Variants in EP300 observed in about 807,000 individuals in gnomAD.
EP300 encodes histone acetyltransferase p300.
Under a neutral mutation model 264.0 loss-of-function variants are expected in EP300, and 31 were observed. The ratio of observed to expected loss-of-function variants is 0.12; its 90% CI spans 0.09 to 0.16. EP300 has a LOEUF of 0.16. Among genes scored for constraint, EP300 ranks in the 10% least tolerant of loss-of-function variants. EP300 has a pLI of 1.00. For missense variants in EP300, 2,766 were observed against 3,052.9 expected (o/e 0.91, Z 2.21); for synonymous variants, 1,340 against 1,045.4 (o/e 1.28, Z -5.44).
chr22:41,178,861 A>G lies in EP300; in HGVS notation c.7150A>G (p.Asn2384Asp), dbSNP rs766974481. 1 of 1,614,142 alleles carries G rather than the reference A, an allele frequency of 6.2e-7. No individual in the cohort carries two copies. ...GCTTGCTAGCAATCCAGGCATGGCA[A>G]ACCTCCATGGTGCAAGCGCCACGGA... ...SQLASNPGMA[N>D]LHGASATDLG... The change falls in exon 31 of 31, where the codon AAC (asparagine) becomes GAC (aspartate). Residue 2384 changes from asparagine to aspartate, a missense_variant. Transcript: ENST00000263253.
chr22:41,179,182 C>T lies in EP300; in HGVS notation c.*226C>T. 1.7e-6 allele frequency: 1 copy of T among 574,254 alleles called. No homozygotes were observed. Among genetic ancestry groups the T allele is most frequent in the Non-Finnish European group, 3.1e-6 (1 of 327,406 alleles). The allele number at this position is 574,254 out of a possible 1,614,324, so 35.6% of individuals were successfully genotyped here. A position where few individuals can be genotyped will look rare whatever the true frequency, so the allele number is the denominator to read the frequency against. On this transcript the variant is annotated 3_prime_UTR_variant, in exon 31 of 31. Coordinates refer to ENST00000263253, the MANE Select transcript of EP300 (RefSeq NM_001429.4). ...TTTTGTTATGGCTGGTTACCACCAGCCTTTCTTCCCCTTTGTGTGTGTGGT... is the reference window on the plus strand; with the variant it reads ...TTTTGTTATGGCTGGTTACCACCAGTCTTTCTTCCCCTTTGTGTGTGTGGT...
rs564448252 is a variant in EP300 at position 41,164,445 on chromosome 22, C to T, written c.3806+315C>T. Among the ~76,000 whole-genome samples the T allele has an allele frequency of 2.1e-4, 32 of 152,282 alleles. No individual in the cohort carries two copies. In the South Asian group the frequency reaches 6.4e-3, roughly 31 times the overall value. ...AAATATTTATGGCCAGGCGAGGTGG[C>T]TCACGCCTGTAATCCCAGCACTTTG... On this transcript the variant is annotated intron_variant, in intron 22 of 30. Transcript: ENST00000263253.
chr22:41,176,300 C>T lies in EP300; in HGVS notation c.4833C>T (p.Pro1611=), dbSNP rs2145512412. 1 of 1,614,204 alleles carries T rather than the reference C, an allele frequency of 6.2e-7. No individual in the cohort carries two copies. Among genetic ancestry groups the T allele is most frequent in the East Asian group, 2.2e-5 (1 of 44,890 alleles). ...IAGPAANSLP[P]IVDPDPLIPC... Reference sequence around the variant, plus strand: ...GCCCTGCTGCCAACTCCCTGCCTCCCATTGTTGATCCTGATCCTCTCATCC... The same window carrying T: ...GCCCTGCTGCCAACTCCCTGCCTCCTATTGTTGATCCTGATCCTCTCATCC... Residue 1611 remains proline, a synonymous_variant, in exon 30 of 31, where the codon CCC becomes CCT. Coordinates refer to ENST00000263253, the MANE Select transcript of EP300 (RefSeq NM_001429.4).
chr22:41,132,582 C>T (rs1486121991), intron 6 of EP300, among the ~76,000 whole-genome samples: 4 of 152,054 alleles, frequency 2.6e-5, no homozygotes, highest in South Asian at 2.1e-4. Flanking sequence ...CTACTGCACC[C>T]GGCCCAACAA....
intron 1 of EP300, among the ~76,000 whole-genome samples, chr22:41,111,135 T>A (rs562027545): frequency 1.5e-3 from 224 of 152,136 alleles, no homozygotes; most frequent in African/African-American, 5.3e-3. Flanking sequence ...GCAGCTAATT[T>A]TGGTATTTTT....
rs771469134 is a variant in EP300 at position 41,149,890 on chromosome 22, A to G, written c.2509A>G (p.Ser837Gly). Residue 837 changes from serine (S) to glycine (G), a missense_variant, in exon 14 of 31, where the codon AGT becomes GGT. Transcript: ENST00000263253. ...LHQNSPSPVP[S>G]RTPTPHHTPP... ...TCAGAATTCACCCTCGCCTGTACCT[A>G]GTCGTACCCCCACCCCTCACCATAC... The G allele has an allele frequency of 6.2e-7, 1 of 1,613,770 alleles. No homozygotes were observed. Among genetic ancestry groups the G allele is most frequent in the Non-Finnish European group, 8.5e-7 (1 of 1,179,982 alleles).
chr22:41,116,776 T>C (rs2058823850), intron 1 of EP300, among the ~76,000 whole-genome samples: 1 of 152,150 alleles, frequency 6.6e-6, no homozygotes, highest in African/African-American at 2.4e-5. Context: ...AGTATATATA[T>C]AGGGCTGTGT....
In EP300 at chr22:41,146,906, A is replaced by G. The variant is rs376990942; in HGVS notation, c.2131+90A>G. The G allele has an allele frequency of 4.5e-5, 51 of 1,137,948 alleles. No homozygotes were observed. The East Asian group carries it at 9.2e-4, about 21-fold the overall frequency. The allele number at this position is 1,137,948 out of a possible 1,614,324, so 70.5% of individuals were successfully genotyped here. A position where few individuals can be genotyped will look rare whatever the true frequency, so the allele number is the denominator to read the frequency against. ...CTACCTGAACACCCGCTTTATGCCAACAGCAAGTGTCATGATTACCTGCCC... is the reference window on the plus strand; with the variant it reads ...CTACCTGAACACCCGCTTTATGCCAGCAGCAAGTGTCATGATTACCTGCCC... On this transcript the variant is annotated intron_variant, in intron 11 of 30. Coordinates refer to ENST00000263253, the MANE Select transcript of EP300 (RefSeq NM_001429.4).
In EP300 at chr22:41,148,020, T is replaced by G. The variant is rs185706223; in HGVS notation, c.2241+74T>G. 31 of 1,035,334 alleles carry G rather than the reference T, an allele frequency of 3.0e-5. No homozygotes were observed. The East Asian group carries it at 7.6e-4, about 25-fold the overall frequency. The allele number at this position is 1,035,334 out of a possible 1,614,324, so 64.1% of individuals were successfully genotyped here. ...GAAAATCCTGTTTGTTCCTACTTTATAAATTCTCACAGTCATTTAAACAGA... is the reference window on the plus strand; with the variant it reads ...GAAAATCCTGTTTGTTCCTACTTTAGAAATTCTCACAGTCATTTAAACAGA... On this transcript the variant is annotated intron_variant, in intron 12 of 30. Transcript: ENST00000263253.
chr22:41,169,440 G>A, intron 25 of EP300, 63 bp from the exon 26 acceptor site: 1 of 993,456 alleles, frequency 1.0e-6, no homozygotes, highest in South Asian at 1.3e-5. Context: ...GGCACATGGA[G>A]TAAAGAACTC....
At chr22:41,167,929 C>T (rs1386966524) in intron 23 of EP300, among the ~76,000 whole-genome samples, 1 of 135,614 alleles carries the variant, frequency 7.4e-6, no homozygotes, top group Non-Finnish European at 1.5e-5. Context: ...TCAAGCGATT[C>T]TCGTGCCTCA....
intron 23 of EP300, among the ~76,000 whole-genome samples, chr22:41,167,808 GTTTTTGTTTTTTTTTTTGTTTTTTTT>G (rs2059147208): frequency 2.8e-4 from 7 of 24,758 alleles, no homozygotes; most frequent in African/African-American, 9.9e-4. Flanking sequence ...ATTTCTGTTT[GTTTTTGTTTTTTTTTTTGTTTTTTTT>G]TTTTTTTTTT....
At chr22:41,111,478 A>T (rs1039809843) in intron 1 of EP300, among the ~76,000 whole-genome samples, 1 of 152,162 alleles carries the variant, frequency 6.6e-6, no homozygotes, top group Non-Finnish European at 1.5e-5. Flanking sequence ...TGAACTTTCT[A>T]TGTCAACAGT....
rs59721178 is a variant in EP300, at chr22:41,179,880, TCACACACACACACACACACACA to T, written c.*946_*967del. 128 of 167,218 alleles carry T rather than the reference TCACACACACACACACACACACA, an allele frequency of 7.7e-4. 2 individuals carry two copies. Among genetic ancestry groups the T allele is most frequent in the Admixed American group, 3.8e-3 (51 of 13,526 alleles). The allele number at this position is 167,218 out of a possible 1,614,324, so 10.4% of individuals were successfully genotyped here. ...TCTTCCTCCTTACCCTACCCCCCAC[TCACACACACACACACACACACA>T]CACACACACACACACACACACTTTC... On this transcript the variant is annotated 3_prime_UTR_variant, in exon 31 of 31. Coordinates refer to ENST00000263253, the MANE Select transcript of EP300 (RefSeq NM_001429.4).
At chr22:41,120,830 T>C (rs2058848245) in intron 2 of EP300, among the ~76,000 whole-genome samples, 1 of 152,190 alleles carries the variant, frequency 6.6e-6, no homozygotes, top group Non-Finnish European at 1.5e-5. Flanking sequence ...GCGATCCTCC[T>C]ACCTCAGACT....
At chr22:41,147,298 C>T (rs945678099) in intron 11 of EP300, among the ~76,000 whole-genome samples, 26 of 112,910 alleles carry the variant, frequency 2.3e-4, no homozygotes, top group Non-Finnish European at 3.5e-4. Flanking sequence ...AGCAAGACTT[C>T]GTCTCAAAAA....
intron 1 of EP300, among the ~76,000 whole-genome samples, chr22:41,111,748 C>T (rs1467833123): frequency 6.6e-6 from 1 of 151,800 alleles, no homozygotes; most frequent in Non-Finnish European, 1.5e-5. Context: ...CCATGTTGCT[C>T]AGGCTGGTCT....
chr22:41,167,578 G>GTATATA (rs2059142725), intron 23 of EP300, among the ~76,000 whole-genome samples: 2 of 27,682 alleles, frequency 7.2e-5, no homozygotes, highest in African/African-American at 3.0e-4. Context: ...GTGTGTGTGT[G>GTATATA]TGTGTGTATA....
In EP300 at chr22:41,178,968, AGTAT is replaced by A; in HGVS notation, c.*13_*16del. ...TAGACATACACTAGAGACACCTTGT[AGTAT>A]TTTGGGAGCAAAAAAATTATTTTCT... On this transcript the variant is annotated 3_prime_UTR_variant, in exon 31 of 31. Transcript: ENST00000263253. The A allele has an allele frequency of 4.7e-6, 4 of 851,142 alleles. No homozygotes were observed. 52.7% of individuals were successfully genotyped at this position (851,142 alleles called of 1,614,324 possible).
Sources: allele counts gnomAD v4.1 joint callset (sites outside exome capture counted in the v4.1 genomes callset), GRCh38; gene constraint gnomAD v4.1.1; transcripts MANE v1.5; gene names NCBI Gene and HGNC (gene_info 2026-07-23, HGNC 2026-07-21).